The following SHCBP1 variants were observed in gnomAD, a reference collection of about 807,000 sequenced individuals.
SHCBP1 encodes SHC SH2 domain-binding protein 1.
In SHCBP1, 60 loss-of-function variants were observed where a neutral mutation model predicts 75.1. The observed-to-expected ratio is 0.80, with a 90% confidence interval of 0.65 to 0.99. The LOEUF is 0.99. SHCBP1 is among the 50% of genes least tolerant of loss of function. The pLI, the probability that SHCBP1 is intolerant of heterozygous loss-of-function variation, is 0.00. For missense variants in SHCBP1, 709 were observed against 809.4 expected (o/e 0.88, Z 1.50); for synonymous variants, 290 against 293.2 (o/e 0.99, Z 0.11).
chr16:46,608,279 T>C lies in SHCBP1; in HGVS notation c.689+18A>G. 6.3e-7 allele frequency: 1 copy of C among 1,578,416 alleles called. No homozygotes were observed. On this transcript the variant is annotated intron_variant, in intron 5 of 12. Coordinates refer to ENST00000303383, the MANE Select transcript of SHCBP1 (RefSeq NM_024745.5). Reference sequence around the variant, plus strand: ...TATTTTTCCAACATGTACAACAAGGTCAGCAATAAATACTTACAATCTTAA... The same window carrying C: ...TATTTTTCCAACATGTACAACAAGGCCAGCAATAAATACTTACAATCTTAA...
Position 46,621,332 on chromosome 16 carries a change from C to G in SHCBP1, c.28G>C (p.Gly10Arg). 6.2e-7 allele frequency: 1 copy of G among 1,611,320 alleles called. No homozygotes were observed. The highest frequency in any genetic ancestry group is 8.5e-7 in the Non-Finnish European group (1 of 1,179,116). Residue 10 changes from glycine to arginine, a missense_variant, in exon 1 of 13, where the codon GGT becomes CGT. By Grantham distance (125) the Gly-to-Arg change is moderately radical. Transcript: ENST00000303383. ...GGCGCCATGGCCGCTGCCTCCAGAC[C>G]GCCGCCCGTCAGCGACCCGTCAGCC... is the stretch of plus-strand genomic sequence containing the variant. Reference protein sequence around the residue: MADGSLTGGGLEAAAMAPER... With the variant: MADGSLTGGRLEAAAMAPER...
At chr16:46,619,353 C>A (rs530412841) in intron 1 of SHCBP1, among the ~76,000 whole-genome samples, 1 of 152,182 alleles carries the variant, frequency 6.6e-6, no homozygotes, top group East Asian at 1.9e-4. Flanking sequence ...TTCTCCCTCC[C>A]CCTTGATTTT....
chr16:46,616,072 A>C lies in SHCBP1; in HGVS notation c.470T>G (p.Phe157Cys). The C allele has an allele frequency of 6.2e-7, 1 of 1,614,216 alleles. No individual in the cohort carries two copies. Among genetic ancestry groups the C allele is most frequent in the South Asian group, 1.1e-5 (1 of 91,082 alleles). The change falls in exon 4 of 13, where the codon TTT becomes TGT. Residue 157 changes from phenylalanine (F) to cysteine (C), a missense_variant. Physicochemically the swap from Phe to Cys is radical, Grantham distance 205. Transcript: ENST00000303383. This position sits in a 1 kb window ranked among gnomAD's most constrained non-coding sequence, Gnocchi z 4.4. ...PYLCDSQVSTFTMECMKELLD... is the reference protein window; with the variant it reads ...PYLCDSQVSTCTMECMKELLD... Reference sequence around the variant, plus strand: ...GAGCTCCTTCATGCACTCCATGGTAAAAGTGCTCACTTGAGAGTCACAGAG... The same window carrying C: ...GAGCTCCTTCATGCACTCCATGGTACAAGTGCTCACTTGAGAGTCACAGAG...
chr16:46,612,123 A>G (rs1210690135), intron 4 of SHCBP1, among the ~76,000 whole-genome samples: 1 of 152,206 alleles, frequency 6.6e-6, no homozygotes, highest in Non-Finnish European at 1.5e-5. Flanking sequence ...CCAGTAAGAC[A>G]CCAGCTGAAC....
In SHCBP1 at chr16:46,604,454, C is replaced by T; in HGVS notation, c.697G>A (p.Asp233Asn). 6.2e-7 allele frequency: 1 copy of T among 1,606,670 alleles called. No homozygotes were observed. The highest frequency in any genetic ancestry group is 8.5e-7 in the Non-Finnish European group (1 of 1,173,776). ...CVEPRLRLHYDILEDRVPSGL... is the reference protein window; with the variant it reads ...CVEPRLRLHYNILEDRVPSGL... The stretch of plus-strand genomic sequence containing the variant: ...GATGGAACTCGGTCTTCAAGAATGT[C>T]ATAATGCCTGAAAGTTTAAAAGCAA... The change falls in exon 6 of 13, where the codon GAC becomes AAC. Residue 233 changes from aspartate (D) to asparagine (N), a missense_variant. Asp to Asn is a conservative substitution (Grantham distance 23). Transcript: ENST00000303383.
At position 46,599,971 on chromosome 16, in the gene SHCBP1, G is replaced by A. The variant is rs750185912; in HGVS notation, c.1214-9C>T. On this transcript the variant is annotated splice_polypyrimidine_tract_variant and intron_variant, in intron 8 of 12. Transcript: ENST00000303383. ...ATCTGGTAGGCCATATCCTAAGGAAGAGAGAGCAACAACACTCAAGATGGG... is the reference window on the plus strand; with the variant it reads ...ATCTGGTAGGCCATATCCTAAGGAAAAGAGAGCAACAACACTCAAGATGGG... 37 of 1,612,202 alleles carry A rather than the reference G, an allele frequency of 2.3e-5. No homozygotes were observed. The South Asian group carries it at 4.1e-4, about 18-fold the overall frequency.
chr16:46,604,480 A>T lies in SHCBP1; in HGVS notation c.690-19T>A, dbSNP rs1405333681. 1.3e-6 allele frequency: 2 copies of T among 1,560,188 alleles called. No homozygotes were observed. The highest frequency in any genetic ancestry group is 1.8e-6 in the Non-Finnish European group (2 of 1,133,158). On this transcript the variant is annotated intron_variant, in intron 5 of 12. Coordinates refer to ENST00000303383, the MANE Select transcript of SHCBP1 (RefSeq NM_024745.5). Reference sequence around the variant, plus strand: ...ATAATGCCTGAAAGTTTAAAAGCAAAGTGAAATCCACTGCCTTTCAGGCAC... The same window carrying T: ...ATAATGCCTGAAAGTTTAAAAGCAATGTGAAATCCACTGCCTTTCAGGCAC...
At chr16:46,602,632 G>A (rs1408538696) in intron 8 of SHCBP1, among the ~76,000 whole-genome samples, 2 of 152,092 alleles carry the variant, frequency 1.3e-5, no homozygotes, top group Non-Finnish European at 2.9e-5. Flanking sequence ...TTATAACTGT[G>A]AAAAAGTTAT....
chr16:46,621,155 A>G, intron 1 of SHCBP1, 102 bp downstream of exon 1: 1 of 1,069,890 alleles, frequency 9.3e-7, no homozygotes, highest in Non-Finnish European at 1.3e-6. Context: ...CACCCTGGAC[A>G]GACGGGTCCG....
At chr16:46,618,014 G>A (rs967923803) in intron 2 of SHCBP1, among the ~76,000 whole-genome samples, 191 bp downstream of exon 2, 1 of 152,084 alleles carries the variant, frequency 6.6e-6, no homozygotes, top group Non-Finnish European at 1.5e-5. Context: ...CCCGTCTCTA[G>A]TAAAAACACA....
chr16:46,616,114 C>T lies in SHCBP1; in HGVS notation c.428G>A (p.Arg143Lys), dbSNP rs1327299410. The change falls in exon 4 of 13, where the codon AGG (arginine) becomes AAG (lysine). Residue 143 changes from arginine to lysine, a missense_variant. Physicochemically the swap from Arg to Lys is conservative, Grantham distance 26. Coordinates refer to ENST00000303383, the MANE Select transcript of SHCBP1 (RefSeq NM_024745.5). This position sits in a 1 kb window ranked among gnomAD's most constrained non-coding sequence, Gnocchi z 4.4. Reference sequence around the variant, plus strand: ...GTCACAGAGGTATGGTTCAGCAAGCCTCACCACTGCCTTCAAGGCTGCAAA... The same window carrying T: ...GTCACAGAGGTATGGTTCAGCAAGCTTCACCACTGCCTTCAAGGCTGCAAA... The part of the protein sequence containing the change: ...VDFAALKAVV[R>K]LAEPYLCDSQ... The T allele has an allele frequency of 1.2e-6, 2 of 1,614,036 alleles. No individual in the cohort carries two copies. Among genetic ancestry groups the T allele is most frequent in the Non-Finnish European group, 1.7e-6 (2 of 1,180,034 alleles).
Position 46,621,319 on chromosome 16 carries a change from G to C in SHCBP1, c.41C>G (p.Ala14Gly). ...GCCCATGCGCTCCGGCGCCATGGCCGCTGCCTCCAGACCGCCGCCCGTCAG... is the reference window on the plus strand; with the variant it reads ...GCCCATGCGCTCCGGCGCCATGGCCCCTGCCTCCAGACCGCCGCCCGTCAG... The part of the protein sequence containing the change: ...GSLTGGGLEA[A>G]AMAPERMGWA... Residue 14 changes from alanine to glycine, a missense_variant, in exon 1 of 13, where the codon GCG (alanine) becomes GGG (glycine). Ala to Gly is a moderately conservative substitution (Grantham distance 60). Coordinates refer to ENST00000303383, the MANE Select transcript of SHCBP1 (RefSeq NM_024745.5). 1 of 1,611,206 alleles carries C rather than the reference G, an allele frequency of 6.2e-7. No homozygotes were observed. The highest frequency in any genetic ancestry group is 8.5e-7 in the Non-Finnish European group (1 of 1,179,196).
Position 46,580,040 on chromosome 16 carries a change from G to A in SHCBP1, c.*1689C>T, listed in dbSNP as rs966133271. ...CTCAGGCGACTGAGGCAGGAGAATT[G>A]CTTGAATTCAGGAGGTGGAGGTTAC... On this transcript the variant is annotated 3_prime_UTR_variant, in exon 13 of 13. Transcript: ENST00000303383. 6.7e-6 allele frequency among the ~76,000 whole-genome samples: 1 copy of A among 149,910 alleles called. No homozygotes were observed. The highest frequency in any genetic ancestry group is 1.5e-5 in the Non-Finnish European group (1 of 67,698).
chr16:46,620,043 A>T (rs1307264164), intron 1 of SHCBP1, among the ~76,000 whole-genome samples: 2 of 152,186 alleles, frequency 1.3e-5, no homozygotes, highest in African/African-American at 4.8e-5. Flanking sequence ...CCTCAAAAAA[A>T]ATAAAATAAA....
At chr16:46,619,696 T>G (rs576528225) in intron 1 of SHCBP1, among the ~76,000 whole-genome samples, 1 of 152,268 alleles carries the variant, frequency 6.6e-6, no homozygotes, top group Admixed American at 6.5e-5. Flanking sequence ...CTTTATAGCT[T>G]TATGGAGGTA....
At chr16:46,614,713 A>C (rs1965468894) in intron 4 of SHCBP1, among the ~76,000 whole-genome samples, 1 of 152,232 alleles carries the variant, frequency 6.6e-6, no homozygotes, top group South Asian at 2.1e-4. Flanking sequence ...TTAGCAGTAC[A>C]CACACCATAG....
chr16:46,610,043 T>A (rs1241872962), intron 4 of SHCBP1, among the ~76,000 whole-genome samples: 1 of 151,394 alleles, frequency 6.6e-6, no homozygotes, highest in Non-Finnish European at 1.5e-5. Context: ...CTCCAGCTCC[T>A]GGGTTCAAGT....
chr16:46,605,345 T>C (rs1965309306), intron 5 of SHCBP1, among the ~76,000 whole-genome samples: 1 of 152,146 alleles, frequency 6.6e-6, no homozygotes, highest in African/African-American at 2.4e-5. Flanking sequence ...TCCCAGCACT[T>C]TGGGAGGCCA....
intron 9 of SHCBP1, among the ~76,000 whole-genome samples, chr16:46,597,735 C>T (rs1347874054): frequency 6.6e-6 from 1 of 152,170 alleles, no homozygotes; most frequent in African/African-American, 2.4e-5. Context: ...TTGACTCTTC[C>T]TTTCATGAAA....
Sources: allele counts gnomAD v4.1 joint callset (sites outside exome capture counted in the v4.1 genomes callset), GRCh38; gene constraint gnomAD v4.1.1; non-coding constraint Gnocchi (gnomAD v3.1); transcripts MANE v1.5; gene names NCBI Gene and HGNC (gene_info 2026-07-23, HGNC 2026-07-21).